The following KPNA7 variants were observed in gnomAD, a reference collection of about 807,000 sequenced individuals.
KPNA7 encodes the protein karyopherin subunit alpha 7, also known as importin subunit alpha-8.
In KPNA7, 54 loss-of-function variants were observed where a neutral mutation model predicts 53.7. That is an observed-to-expected ratio of 1.01 (90% CI 0.81 to 1.26). The LOEUF (loss-of-function observed/expected upper bound fraction) is 1.26, where lower values mean the gene tolerates loss of function less well. Ranked by LOEUF, KPNA7 falls within the 50% of genes most tolerant of loss-of-function variation. KPNA7 has a pLI of 0.00. For missense variants in KPNA7, 640 were observed against 644.5 expected, an observed-to-expected ratio of 0.99 and a Z score of 0.07; for synonymous variants, 276 against 259.3, an observed-to-expected ratio of 1.06 and a Z score of -0.62.
At chr7:99,205,580 T>C (rs1357062488) in intron 2 of KPNA7, among the ~76,000 whole-genome samples, 1 of 152,084 alleles carries the variant, frequency 6.6e-6, no homozygotes, top group Non-Finnish European at 1.5e-5. Flanking sequence ...CTGGGAGCAG[T>C]GGCTCATGCC....
At chr7:99,158,591 C>T in the KPNA7 span, among the ~76,000 whole-genome samples, 1 of 152,010 alleles carries the variant, frequency 6.6e-6, no homozygotes, top group Non-Finnish European at 1.5e-5. Context: ...GTAACCTGCA[C>T]CTCCTGAGTT....
intron 6 of KPNA7, among the ~76,000 whole-genome samples, chr7:99,190,090 A>G (rs1880784): frequency 0.98 from 149,591 of 152,022 alleles, 73,648 homozygotes; most frequent in East Asian, 1. Context: ...TGTAACCCCA[A>G]CACTTTGGGA....
chr7:99,185,188 A>G, intron 7 of KPNA7, 26 bp from the exon 8 acceptor site: 1 of 1,478,556 alleles, frequency 6.8e-7, no homozygotes, highest in Non-Finnish European at 9.3e-7. Flanking sequence ...TAGAAGTCTA[A>G]GTATTTCAAG....
At position 99,185,066 on chromosome 7, in the gene KPNA7, G is replaced by T; in HGVS notation, c.997C>A (p.Leu333Ile). 6.4e-7 allele frequency: 1 copy of T among 1,551,918 alleles called. No homozygotes were observed. The highest frequency in any genetic ancestry group is 8.7e-7 in the Non-Finnish European group (1 of 1,147,042). ...ATGGAGGGCTTGTTGTGTTGCAGGA[G>T]CTGGGGGAGCACGTTCAGCATACCC... is the stretch of plus-strand genomic sequence containing the variant. ...DAGMLNVLPQ[L>I]LQHNKPSIQK... is the part of the protein sequence containing the mutation. Residue 333 changes from leucine (L) to isoleucine (I), a missense_variant, in exon 8 of 11, where the codon CTC becomes ATC. Physicochemically the swap from Leu to Ile is conservative, Grantham distance 5. Coordinates refer to ENST00000327442, the MANE Select transcript of KPNA7 (RefSeq NM_001145715.3).
chr7:99,159,004 A>C, the KPNA7 span, among the ~76,000 whole-genome samples: 4 of 151,938 alleles, frequency 2.6e-5, no homozygotes, highest in Non-Finnish European at 5.9e-5. Flanking sequence ...AGTTGGGACT[A>C]CAGGTGCACA....
rs1790166588 is a variant in KPNA7, at chr7:99,195,260, G to A, written c.363C>T (p.Phe121=). The A allele has an allele frequency of 6.4e-7, 1 of 1,551,468 alleles. No individual in the cohort carries two copies. The highest frequency in any genetic ancestry group is 1.4e-5 in the African/African-American group (1 of 73,006). ...EAGLIPRMVE[F]LKSSLYPCLQ... ...AGCAGGGGTAAAGTGATGACTTCAG[G>A]AACTCCACCATCCTGGGAATGAGGC... The change falls in exon 5 of 11, where the codon TTC becomes TTT. Residue 121 remains phenylalanine (F), a synonymous_variant. Transcript: ENST00000327442.
the KPNA7 span, among the ~76,000 whole-genome samples, chr7:99,165,763 G>C: frequency 6.6e-6 from 1 of 152,148 alleles, no homozygotes; most frequent in African/African-American, 2.4e-5. Context: ...ACAGAGTCTT[G>C]CTATGTTGTC....
intron 10 of KPNA7, among the ~76,000 whole-genome samples, chr7:99,176,567 C>T (rs1018972500): frequency 1.3e-5 from 2 of 151,982 alleles, no homozygotes; most frequent in Non-Finnish European, 2.9e-5. Context: ...AGCAATTCCA[C>T]TCTAGGTATA....
At chr7:99,211,817 T>C (rs967295685), upstream of KPNA7, among the ~76,000 whole-genome samples, 6 of 152,194 alleles carry the variant, frequency 3.9e-5, no homozygotes, top group Non-Finnish European at 8.8e-5. Flanking sequence ...GAATAGCCTA[T>C]ATACCTTGTC....
Position 99,188,443 on chromosome 7 carries a change from G to T in KPNA7, c.757C>A (p.Gln253Lys). 6.4e-7 allele frequency: 1 copy of T among 1,551,694 alleles called. No individual in the cohort carries two copies. Among genetic ancestry groups the T allele is most frequent in the Non-Finnish European group, 8.7e-7 (1 of 1,147,010 alleles). ...LPALLHLLQH[Q>K]DSEVLSDACW... ...GCATCCGAGAGAACCTCACTGTCCT[G>T]GTGCTGCAGGAGGTGAAGGAGGGCC... The change falls in exon 7 of 11, where the codon CAG becomes AAG. Residue 253 changes from glutamine (Q) to lysine (K), a missense_variant. Transcript: ENST00000327442.
intron 9 of KPNA7, among the ~76,000 whole-genome samples, chr7:99,181,231 T>TTCTCTG (rs549782519): frequency 6.7e-6 from 1 of 149,456 alleles, no homozygotes; most frequent in African/African-American, 2.5e-5. Context: ...CCGTCTGTCT[T>TTCTCTG]TCTCTGTCTC....
At chr7:99,180,871 CT>C (rs2150710978) in intron 9 of KPNA7, among the ~76,000 whole-genome samples, 1 of 120,084 alleles carries the variant, frequency 8.3e-6, no homozygotes, top group Non-Finnish European at 1.8e-5. Context: ...GTCTCTCTCT[CT>C]CTCCCCGTCT....
the KPNA7 span, among the ~76,000 whole-genome samples, chr7:99,156,943 T>C: frequency 6.7e-6 from 1 of 149,858 alleles, no homozygotes; most frequent in African/African-American, 2.4e-5. Flanking sequence ...ATTGACTTTT[T>C]TTCTTCTCCC....
intron 10 of KPNA7, 29 bp from the exon 11 acceptor site, chr7:99,173,823 C>A (rs765727822): frequency 1.5e-6 from 2 of 1,302,134 alleles, no homozygotes; most frequent in Non-Finnish European, 2.2e-6. Context: ...ACTGTTATAC[C>A]TCCAGGATTC....
At chr7:99,211,784 A>T (rs1791077715), upstream of KPNA7, among the ~76,000 whole-genome samples, 2 of 152,116 alleles carry the variant, frequency 1.3e-5, no homozygotes, top group South Asian at 4.1e-4. Context: ...TTAAAGCATT[A>T]GTTTCCTCCA....
At chr7:99,198,821 AAAT>A (rs1790363715) in intron 3 of KPNA7, among the ~76,000 whole-genome samples, 1 of 152,128 alleles carries the variant, frequency 6.6e-6, no homozygotes, top group Admixed American at 6.6e-5. Context: ...GGAAAGGAAG[AAAT>A]AAAACTATTT....
chr7:99,192,654 T>C (rs1446118406), intron 6 of KPNA7, among the ~76,000 whole-genome samples: 1 of 152,142 alleles, frequency 6.6e-6, no homozygotes, highest in Admixed American at 6.5e-5. Context: ...AAGTGATCCT[T>C]CTGTCTTGGC....
At chr7:99,175,733 T>C (rs892168231) in intron 10 of KPNA7, among the ~76,000 whole-genome samples, 8 of 151,708 alleles carry the variant, frequency 5.3e-5, no homozygotes, top group African/African-American at 1.9e-4. Flanking sequence ...AGGCTGGTCT[T>C]GAACTCCTAA....
At position 99,193,097 on chromosome 7, in the gene KPNA7, A is replaced by G. The variant is rs904221555; in HGVS notation, c.558T>C (p.Asp186=). The change falls in exon 6 of 11, where the codon GAT becomes GAC. Residue 186 remains aspartate (D), a synonymous_variant. Coordinates refer to ENST00000327442, the MANE Select transcript of KPNA7 (RefSeq NM_001145715.3). ...AVWALGNIAG[D]GPEFRDNVIT... ...TGACGTTATCTCTGAACTCTGGGCC[A>G]TCACCTACAAATAGAGCAGAATGTG... 4.0e-6 allele frequency: 6 copies of G among 1,488,172 alleles called. No homozygotes were observed. The highest frequency in any genetic ancestry group is 5.4e-6 in the Non-Finnish European group (6 of 1,120,608). 92.2% of individuals were successfully genotyped at this position (1,488,172 alleles called of 1,614,324 possible).
Sources: gnomAD v4.1 joint callset for allele counts (sites outside exome capture counted in the v4.1 genomes callset) on GRCh38, gnomAD v4.1.1 for gene constraint, MANE v1.5 for transcripts, NCBI Gene and HGNC (gene_info 2026-07-23, HGNC 2026-07-21) for gene names.